The following CLK4 variants were observed in gnomAD, a reference collection of about 807,000 sequenced individuals.
CLK4 encodes the protein dual specificity protein kinase CLK4.
A neutral mutation model predicts 64.4 loss-of-function variants in CLK4; 37 were observed. The ratio of observed to expected loss-of-function variants is 0.57; its 90% CI spans 0.44 to 0.76. CLK4 has a LOEUF of 0.76. Among genes scored for constraint, CLK4 ranks in the 30% least tolerant of loss-of-function variants. The pLI, the probability that CLK4 is intolerant of heterozygous loss-of-function variation, is 0.00. For missense variants in CLK4, 457 were observed against 605.1 expected (o/e 0.76, Z 2.57); for synonymous variants, 175 against 191.6 (o/e 0.91, Z 0.72).
chr5:178,609,044 C>T (rs995546081), intron 9 of CLK4, among the ~76,000 whole-genome samples: 150 of 152,308 alleles, frequency 9.8e-4, no homozygotes, highest in Non-Finnish European at 6.8e-4. Flanking sequence ...AGAGAGGGAT[C>T]TATACATAAA....
Position 178,613,726 on chromosome 5 carries a change from C to A in CLK4, c.659+1G>T, listed in dbSNP as rs562424003. 1 of 1,610,600 alleles carries A rather than the reference C, an allele frequency of 6.2e-7. No individual in the cohort carries two copies. The highest frequency in any genetic ancestry group is 8.5e-7 in the Non-Finnish European group (1 of 1,177,694). On this transcript the variant is annotated splice_donor_variant, in intron 6 of 12. Coordinates refer to ENST00000316308, the MANE Select transcript of CLK4 (RefSeq NM_020666.3). LOFTEE classifies it high-confidence loss of function. ...GGCTCCTAGGTGAAAGTTATACTTA[C>A]AAGACACTATTGGGATCAGTACTAT...
intron 1 of CLK4, among the ~76,000 whole-genome samples, chr5:178,626,390 CCT>C (rs1373785987): frequency 1.3e-5 from 2 of 152,230 alleles, no homozygotes; most frequent in African/African-American, 4.8e-5. Context: ...CAAATTTCCA[CCT>C]CTCACAAGCA....
Position 178,618,557 on chromosome 5 carries a change from G to A in CLK4, c.383C>T (p.Ser128Leu), listed in dbSNP as rs372852819. The A allele has an allele frequency of 6.8e-6, 11 of 1,611,108 alleles. No individual in the cohort carries two copies. Among genetic ancestry groups the A allele is most frequent in the South Asian group, 2.2e-5 (2 of 90,908 alleles). ...AATTGAAAACAAAACCAATCATACC[G>A]AACGTGACTGATGACTTGAACAGTG... The part of the protein sequence containing the change: ...NRHCSSHQSR[S>L]KSHRRKRSRS... Residue 128 changes from serine to leucine, a missense_variant and splice_region_variant, in exon 3 of 13, where the codon TCG becomes TTG. Coordinates refer to ENST00000316308, the MANE Select transcript of CLK4 (RefSeq NM_020666.3).
chr5:178,612,911 A>G (rs1415551249), intron 7 of CLK4, 21 bp from the exon 8 acceptor site: 1 of 1,247,246 alleles, frequency 8.0e-7, no homozygotes, highest in East Asian at 2.3e-5. Context: ...ACAAAAGCAC[A>G]TTATTAGTTT....
chr5:178,614,548 T>C (rs563388648), intron 5 of CLK4, among the ~76,000 whole-genome samples: 9 of 152,364 alleles, frequency 5.9e-5, no homozygotes, highest in African/African-American at 2.2e-4. Flanking sequence ...AATTTATTTT[T>C]GTCTTCCTTT....
At chr5:178,607,390 C>T (rs1322026964) in intron 10 of CLK4, among the ~76,000 whole-genome samples, 2 of 151,884 alleles carry the variant, frequency 1.3e-5, no homozygotes, top group Non-Finnish European at 2.9e-5. Flanking sequence ...TTTCTTCTTC[C>T]TTATATGCCC....
At chr5:178,622,481 A>T (rs1764720242) in intron 2 of CLK4, 1 of 961,184 alleles carries the variant, frequency 1.0e-6, no homozygotes. Context: ...GAGAAAACAG[A>T]ACCAACAAAA....
Position 178,605,327 on chromosome 5 carries a change from G to A in CLK4, c.1190C>T (p.Pro397Leu). Residue 397 changes from proline (P) to leucine (L), a missense_variant, in exon 11 of 13, where the codon CCA becomes CTA. Coordinates refer to ENST00000316308, the MANE Select transcript of CLK4 (RefSeq NM_020666.3). The part of the protein sequence containing the change: ...AMMERILGPI[P>L]QHMIQKTRKR... ...CCTTGTTTTCTGAATCATGTGTTGT[G>A]GTATGGGTCCTAATATTCGTTCCAT... is the stretch of plus-strand genomic sequence containing the variant. 5 of 1,589,680 alleles carry A rather than the reference G, an allele frequency of 3.1e-6. No individual in the cohort carries two copies. The highest frequency in any genetic ancestry group is 4.3e-6 in the Non-Finnish European group (5 of 1,171,378).
intron 2 of CLK4, chr5:178,620,045 G>A: frequency 2.8e-6 from 1 of 353,558 alleles, no homozygotes; most frequent in Non-Finnish European, 6.0e-6. Flanking sequence ...CCAGGGGGCT[G>A]GTTTAGGCAG....
chr5:178,609,060 G>A (rs1345688602), intron 9 of CLK4, among the ~76,000 whole-genome samples: 2 of 152,060 alleles, frequency 1.3e-5, no homozygotes, highest in African/African-American at 4.8e-5. Flanking sequence ...ATAAACATCG[G>A]CGCTGTCTAT....
rs532147602 is a variant in CLK4 at position 178,621,620 on chromosome 5, T to C, written c.161+1636A>G. The stretch of plus-strand genomic sequence containing the variant: ...TTAGAAATTTAAAAATTCAGTTTAA[T>C]CAAAACATTATGCTTGGCCTTTCAA... On this transcript the variant is annotated intron_variant, in intron 2 of 12. Transcript: ENST00000316308. Among the ~76,000 whole-genome samples, 28 of 152,286 alleles carry C rather than the reference T, an allele frequency of 1.8e-4. No individual in the cohort carries two copies. The South Asian group carries it at 5.8e-3, about 32-fold the overall frequency.
chr5:178,619,898 T>C (rs1275786370), intron 2 of CLK4: 1 of 776,434 alleles, frequency 1.3e-6, no homozygotes, highest in Non-Finnish European at 1.9e-6. Context: ...CATGGAGCAC[T>C]GAGGGAGAGA....
rs539807525 is a variant in CLK4 at position 178,609,405 on chromosome 5, A to G, written c.1052-947T>C. 1.4e-3 allele frequency among the ~76,000 whole-genome samples: 213 copies of G among 152,342 alleles called. 4 individuals are homozygous for G. Among genetic ancestry groups the G allele is most frequent in the South Asian group, 8.1e-3 (39 of 4,826 alleles). On this transcript the variant is annotated intron_variant, in intron 9 of 12. Coordinates refer to ENST00000316308, the MANE Select transcript of CLK4 (RefSeq NM_020666.3). Reference sequence around the variant, plus strand: ...AATGGATAATAATAGAGCATGGGCCAGGCGCGGTGGCTCATGCCTGTAATC... The same window carrying G: ...AATGGATAATAATAGAGCATGGGCCGGGCGCGGTGGCTCATGCCTGTAATC...
In CLK4 at chr5:178,603,712, G is replaced by A. The variant is rs772050551; in HGVS notation, c.1351C>T (p.Leu451=). ...TCATATTCTAACATTCTTCGAACCA[G>A]GTCAAACAGTTTCTCATGTTCTTCA... ...HDEEHEKLFD[L]VRRMLEYDPT... Residue 451 remains leucine (L), a synonymous_variant, in exon 13 of 13, where the codon CTG becomes TTG. Transcript: ENST00000316308. The A allele has an allele frequency of 1.9e-6, 3 of 1,605,054 alleles. No individual in the cohort carries two copies. Among genetic ancestry groups the A allele is most frequent in the South Asian group, 1.1e-5 (1 of 88,682 alleles).
intron 2 of CLK4, chr5:178,622,573 A>T (rs1183859045): frequency 4.6e-6 from 1 of 215,342 alleles, no homozygotes; most frequent in African/African-American, 2.3e-5. Context: ...GATTCCTTTA[A>T]TTCTATATAA....
At position 178,617,317 on chromosome 5, in the gene CLK4, T is replaced by TA; in HGVS notation, c.475+26dup. On this transcript the variant is annotated intron_variant, in intron 4 of 12. Coordinates refer to ENST00000316308, the MANE Select transcript of CLK4 (RefSeq NM_020666.3). The surrounding 1 kb of genome is among the most constrained non-coding windows in gnomAD (Gnocchi z 5.2). Reference sequence around the variant, plus strand: ...AAAAGATTATTCTTTCTGCAAAGTTTAAAAAGTGTTGAAAAATATTCTATA... The same window carrying TA: ...AAAAGATTATTCTTTCTGCAAAGTTTAAAAAAGTGTTGAAAAATATTCTATA... The TA allele has an allele frequency of 6.4e-7, 1 of 1,555,870 alleles. No individual in the cohort carries two copies. The highest frequency in any genetic ancestry group is 2.2e-5 in the East Asian group (1 of 44,602).
chr5:178,623,066 G>C (rs1264016445), intron 2 of CLK4, 190 bp downstream of exon 2: 7 of 561,808 alleles, frequency 1.2e-5, no homozygotes, highest in Non-Finnish European at 2.2e-5. Context: ...ACATACATAA[G>C]GATAAGAACT....
In CLK4 at chr5:178,619,823, C is replaced by T. The variant is rs574801664; in HGVS notation, c.162-1045G>A. On this transcript the variant is annotated intron_variant, in intron 2 of 12. Transcript: ENST00000316308. ...CATAGATTCAATTGGCCCAGTTTCC[C>T]GTCCCCCTCTCTACCTGGGATGAGT... The T allele has an allele frequency of 1.1e-4, 148 of 1,288,412 alleles. 3 individuals carry two copies. Among genetic ancestry groups the T allele is most frequent in the South Asian group, 9.1e-4 (74 of 80,982 alleles). 79.8% of individuals were successfully genotyped at this position (1,288,412 alleles called of 1,614,324 possible). A position where few individuals can be genotyped will look rare whatever the true frequency, so the allele number is the denominator to read the frequency against.
intron 2 of CLK4, chr5:178,619,848 T>C (rs1166967621): frequency 1.6e-6 from 2 of 1,236,964 alleles, no homozygotes; most frequent in Non-Finnish European, 2.1e-6. Context: ...CTGGGATGAG[T>C]GTCCTCTTCA....
Sources: gnomAD v4.1 joint callset for allele counts (sites outside exome capture counted in the v4.1 genomes callset) on GRCh38, gnomAD v4.1.1 for gene constraint, Gnocchi (gnomAD v3.1) non-coding constraint, MANE v1.5 for transcripts, NCBI Gene and HGNC (gene_info 2026-07-23, HGNC 2026-07-21) for gene names.